The following SLC5A10 variants were observed in gnomAD, a reference collection of about 807,000 sequenced individuals.
SLC5A10 encodes solute carrier family 5 member 10, also known as sodium/mannose cotransporter SLC5A10.
A neutral mutation model predicts 68.9 loss-of-function variants in SLC5A10; 55 were observed. The ratio of observed to expected loss-of-function variants is 0.80; its 90% CI spans 0.64 to 1.00. SLC5A10 has a LOEUF of 1.00. Among genes scored for constraint, SLC5A10 ranks in the 50% least tolerant of loss-of-function variants. The pLI, the probability that SLC5A10 is intolerant of heterozygous loss-of-function variation, is 0.00. For synonymous variants in SLC5A10, 344 were observed against 344.8 expected, an observed-to-expected ratio of 1.00 and a Z score of 0.02; for missense variants, 732 against 819.3, an observed-to-expected ratio of 0.89 and a Z score of 1.30.
upstream of SLC5A10, chr17:18,950,708 T>TG (rs1555569320): frequency 4.1e-6 from 4 of 985,074 alleles, no homozygotes; most frequent in African/African-American, 7.0e-5. Flanking sequence ...TTAATTGTTT[T>TG]TTGTTGTTGT....
chr17:19,017,190 G>T lies in SLC5A10; in HGVS notation c.1241+1991G>T, dbSNP rs2044157397. 8.6e-7 allele frequency: 1 copy of T among 1,168,716 alleles called. No individual in the cohort carries two copies. Among genetic ancestry groups the T allele is most frequent in the African/African-American group, 1.5e-5 (1 of 65,590 alleles). 72.4% of individuals were successfully genotyped at this position (1,168,716 alleles called of 1,614,324 possible). On this transcript the variant is annotated intron_variant, in intron 11 of 14. Transcript: ENST00000395645. The surrounding 1 kb of genome is among the most constrained non-coding windows in gnomAD (Gnocchi z 5.6). Reference sequence around the variant, plus strand: ...CAGGGCAGGTTGCTCACCCTCTCTGGGCCCCAGTTCTCTCAGCTGCCAGCT... The same window carrying T: ...CAGGGCAGGTTGCTCACCCTCTCTGTGCCCCAGTTCTCTCAGCTGCCAGCT...
chr17:18,979,427 G>A (rs1356521203), intron 9 of SLC5A10: 13 of 1,256,854 alleles, frequency 1.0e-5, no homozygotes, highest in Admixed American at 4.6e-5. Flanking sequence ...CTCCAGCCCT[G>A]CGCACACCTC....
At chr17:18,993,947 A>G (rs528874177) in intron 9 of SLC5A10, among the ~76,000 whole-genome samples, 106 of 152,346 alleles carry the variant, frequency 7.0e-4, no homozygotes, top group South Asian at 4.4e-3. Context: ...CGGCAGCTGC[A>G]CGGACCCTCC....
rs757721848 is a variant in SLC5A10 at position 19,019,756 on chromosome 17, C to T, written c.1454C>T (p.Thr485Met). The T allele has an allele frequency of 1.7e-5, 27 of 1,612,324 alleles. 1 individual carries two copies. The Middle Eastern group carries it at 6.6e-4, about 39-fold the overall frequency. The change falls in exon 13 of 15, where the codon ACG (threonine) becomes ATG (methionine). Residue 485 changes from threonine (T) to methionine (M), a missense_variant. By Grantham distance (81) the Thr-to-Met change is moderately conservative. Transcript: ENST00000395645. ...GLIAGLVVGA[T>M]RLVLEFLNPA... ...ATAGCAGGGCTGGTGGTGGGGGCCA[C>T]GAGGCTGGTCCTGGAATTCCTGAAC...
chr17:19,008,169 A>T (rs2099549676), intron 9 of SLC5A10, among the ~76,000 whole-genome samples: 3 of 152,226 alleles, frequency 2.0e-5, no homozygotes, highest in Admixed American at 2.0e-4. Context: ...TTCTTTCACC[A>T]GCCAGGCTCA....
intron 9 of SLC5A10, among the ~76,000 whole-genome samples, chr17:18,995,349 A>T (rs576861146): frequency 8.5e-4 from 129 of 152,350 alleles, no homozygotes; most frequent in African/African-American, 3.1e-3. Flanking sequence ...GACGAAAAAT[A>T]TACTAGGTGG....
At chr17:18,958,796 G>A in intron 2 of SLC5A10, 43 bp downstream of exon 2, 2 of 1,605,772 alleles carry the variant, frequency 1.2e-6, no homozygotes, top group Non-Finnish European at 1.7e-6. Flanking sequence ...CTTTGTCCGT[G>A]GGGCTGTGTC....
intron 11 of SLC5A10, among the ~76,000 whole-genome samples, chr17:19,016,146 A>G (rs2044134725): frequency 6.6e-6 from 1 of 151,826 alleles, no homozygotes; most frequent in Non-Finnish European, 1.5e-5. Flanking sequence ...CCCGGGTTCA[A>G]GAGATTCTCG....
intron 9 of SLC5A10, among the ~76,000 whole-genome samples, chr17:18,994,449 G>A (rs1215869575): frequency 6.6e-6 from 1 of 152,210 alleles, no homozygotes; most frequent in Non-Finnish European, 1.5e-5. Flanking sequence ...GCTGCACAGA[G>A]TGAACTCCAG....
chr17:18,981,177 G>A (rs1210662183), intron 9 of SLC5A10, among the ~76,000 whole-genome samples: 3 of 152,202 alleles, frequency 2.0e-5, no homozygotes, highest in African/African-American at 7.2e-5. Flanking sequence ...CAGGATCGCA[G>A]AGGAGTAGCC....
chr17:19,015,432 C>A (rs1355869730), intron 11 of SLC5A10, among the ~76,000 whole-genome samples: 1 of 152,198 alleles, frequency 6.6e-6, no homozygotes. Context: ...AGCTGGATTC[C>A]TTCTGCAGGG....
Position 19,004,004 on chromosome 17 carries a change from T to A in SLC5A10, c.983-9406T>A. 1.9e-6 allele frequency: 3 copies of A among 1,611,258 alleles called. No individual in the cohort carries two copies. Among genetic ancestry groups the A allele is most frequent in the Non-Finnish European group, 1.7e-6 (2 of 1,179,078 alleles). ...GGACTCGCTGGAGCGCCAGTTCACATGGTTGTCGTCCAGACACTGCACCTG... is the reference window on the plus strand; with the variant it reads ...GGACTCGCTGGAGCGCCAGTTCACAAGGTTGTCGTCCAGACACTGCACCTG... On this transcript the variant is annotated intron_variant, in intron 9 of 14. Transcript: ENST00000395645. The surrounding 1 kb of genome is among the most constrained non-coding windows in gnomAD (Gnocchi z 5.4).
chr17:18,950,676 C>G, upstream of SLC5A10: 1 of 985,500 alleles, frequency 1.0e-6, no homozygotes. Flanking sequence ...CTTCTTCTGC[C>G]TAGTCCTGTA....
In SLC5A10 at chr17:19,021,976, G is replaced by A. The variant is rs2044271616; in HGVS notation, c.*1545G>A. 6.4e-7 allele frequency: 1 copy of A among 1,571,638 alleles called. No individual in the cohort carries two copies. Among genetic ancestry groups the A allele is most frequent in the Non-Finnish European group, 8.6e-7 (1 of 1,160,406 alleles). ...CGGGCTGCTCACAGGTGCACGGGCT[G>A]CACGTAACTCCGTGGGAAGAAGCCA... On this transcript the variant is annotated 3_prime_UTR_variant, in exon 15 of 15. Coordinates refer to ENST00000395645, the MANE Select transcript of SLC5A10 (RefSeq NM_001042450.4). The surrounding 1 kb of genome is among the most constrained non-coding windows in gnomAD (Gnocchi z 4.1).
At chr17:18,984,558 TG>T (rs1445207631) in intron 9 of SLC5A10, among the ~76,000 whole-genome samples, 1 of 152,238 alleles carries the variant, frequency 6.6e-6, no homozygotes, top group African/African-American at 2.4e-5. Flanking sequence ...GATGCTTCTT[TG>T]TTCATCAGAA....
rs746981215 is a variant in SLC5A10, at chr17:18,959,640, G to A, written c.325G>A (p.Val109Met). ...GCTGCTGGCACTGGCATGGGTGTTCGTGCCCATCTACATCTCCTCAGAGGT... is the reference window on the plus strand; with the variant it reads ...GCTGCTGGCACTGGCATGGGTGTTCATGCCCATCTACATCTCCTCAGAGGT... Reference protein sequence around the residue: ...YVLLALAWVFVPIYISSEIVT... With the variant: ...YVLLALAWVFMPIYISSEIVT... Residue 109 changes from valine (V) to methionine (M), a missense_variant, in exon 4 of 15, where the codon GTG becomes ATG. By Grantham distance (21) the Val-to-Met change is conservative. Coordinates refer to ENST00000395645, the MANE Select transcript of SLC5A10 (RefSeq NM_001042450.4). 1.7e-5 allele frequency: 28 copies of A among 1,613,838 alleles called. No homozygotes were observed. The Admixed American group carries it at 2.0e-4, about 12-fold the overall frequency.
chr17:19,003,946 C>T lies in SLC5A10; in HGVS notation c.983-9464C>T. 6.2e-7 allele frequency: 1 copy of T among 1,612,956 alleles called. No individual in the cohort carries two copies. Among genetic ancestry groups the T allele is most frequent in the Non-Finnish European group, 8.5e-7 (1 of 1,179,932 alleles). Reference sequence around the variant, plus strand: ...GGGCCACCAGGGCCTCCAGCGCCAGCCGCTGCTCCTCGCTGTAGAAGAACT... The same window carrying T: ...GGGCCACCAGGGCCTCCAGCGCCAGTCGCTGCTCCTCGCTGTAGAAGAACT... On this transcript the variant is annotated intron_variant, in intron 9 of 14. Coordinates refer to ENST00000395645, the MANE Select transcript of SLC5A10 (RefSeq NM_001042450.4). The surrounding 1 kb of genome is among the most constrained non-coding windows in gnomAD (Gnocchi z 4.5).
intron 9 of SLC5A10, among the ~76,000 whole-genome samples, chr17:18,984,199 G>A (rs563672597): frequency 7.9e-5 from 12 of 152,090 alleles, no homozygotes; most frequent in Middle Eastern, 3.4e-3. Flanking sequence ...AAAATTAGCC[G>A]GGCGTGGTGG....
intron 5 of SLC5A10, among the ~76,000 whole-genome samples, chr17:18,961,287 C>G (rs1299202720): frequency 6.6e-6 from 1 of 152,240 alleles, no homozygotes; most frequent in Non-Finnish European, 1.5e-5. Flanking sequence ...AGGCCTTCTG[C>G]TCTCACTCCA....
Sources: allele counts gnomAD v4.1 joint callset (sites outside exome capture counted in the v4.1 genomes callset), GRCh38; gene constraint gnomAD v4.1.1; non-coding constraint Gnocchi (gnomAD v3.1); transcripts MANE v1.5; gene names NCBI Gene and HGNC (gene_info 2026-07-23, HGNC 2026-07-21).